The following GRIP1 variants were observed in gnomAD, a reference collection of about 807,000 sequenced individuals.
GRIP1 encodes the protein glutamate receptor interacting protein 1, also known as glutamate receptor-interacting protein 1.
GRIP1 carries 45 observed loss-of-function variants against 129.9 expected under a neutral mutation model. That is an observed-to-expected ratio of 0.35 (90% CI 0.27 to 0.44). GRIP1 has a LOEUF of 0.44. GRIP1 is among the 20% of genes least tolerant of loss of function. The probability of loss-of-function intolerance (pLI) is 1.00; values close to 1 mark genes in which losing one functional copy is unlikely to be tolerated. For synonymous variants in GRIP1, 530 were observed against 520.8 expected (o/e 1.02, Z -0.24); for missense variants, 1,196 against 1,396.8 (o/e 0.86, Z 2.29).
In GRIP1 at chr12:66,854,951, C is replaced by T. The variant is rs117016091; in HGVS notation, c.58+214099G>A. On this transcript the variant is annotated intron_variant, in intron 1 of 1. Transcript: ENST00000643019. Reference sequence around the variant, plus strand: ...TCTTTGTAAAGAGAAACTACTTACTCTTAAATTACAGTGTCCATCTTTGTC... The same window carrying T: ...TCTTTGTAAAGAGAAACTACTTACTTTTAAATTACAGTGTCCATCTTTGTC... Among the ~76,000 whole-genome samples the T allele has an allele frequency of 9.8e-3, 1,488 of 152,144 alleles. 12 individuals are homozygous for T. Among genetic ancestry groups the T allele is most frequent in the Middle Eastern group, 0.048 (14 of 294 alleles).
chr12:67,036,995 C>A (rs2043105292), intron 1 of GRIP1, among the ~76,000 whole-genome samples: 1 of 151,992 alleles, frequency 6.6e-6, no homozygotes, highest in Non-Finnish European at 1.5e-5. Context: ...TTGGGGAATA[C>A]ACATGCATAC....
rs1172353986 is a variant in GRIP1 at position 66,657,768 on chromosome 12, A to C, written c.55+21082T>G. On this transcript the variant is annotated intron_variant, in intron 1 of 24. Coordinates refer to ENST00000359742, the MANE Select transcript of GRIP1 (RefSeq NM_001366722.1). ...ATTCCCGCATATCTAGCATGAACCT[A>C]ATCGCCATGAAAATGTATGACTCTT... Among the ~76,000 whole-genome samples, 3 of 152,160 alleles carry C rather than the reference A, an allele frequency of 2.0e-5. No homozygotes were observed. In the East Asian group the frequency reaches 5.8e-4, roughly 29 times the overall value.
intron 2 of GRIP1, among the ~76,000 whole-genome samples, chr12:66,552,502 G>C (rs149882201): frequency 3.5e-4 from 54 of 152,184 alleles, no homozygotes; most frequent in African/African-American, 1.3e-3. Context: ...TTATAGATTA[G>C]GGACACTGAG....
intron 1 of GRIP1, among the ~76,000 whole-genome samples, chr12:66,895,471 C>T (rs1358717488): frequency 6.6e-6 from 1 of 152,180 alleles, no homozygotes; most frequent in African/African-American, 2.4e-5. Context: ...AATTACCCAG[C>T]CTCAGGTATC....
chr12:66,522,710 T>C (rs12310485), intron 5 of GRIP1, among the ~76,000 whole-genome samples: 14,140 of 152,190 alleles, frequency 0.093, 756 homozygotes, highest in East Asian at 0.24. Flanking sequence ...AGAAGAAGAC[T>C]TCAGACGATC....
chr12:66,952,187 T>C (rs1044609017), intron 1 of GRIP1, among the ~76,000 whole-genome samples: 9 of 152,006 alleles, frequency 5.9e-5, no homozygotes, highest in Non-Finnish European at 1.0e-4. Flanking sequence ...GATGAACAGC[T>C]GAGCAGAGCA....
intron 4 of GRIP1, among the ~76,000 whole-genome samples, chr12:66,531,246 AAAAAAAATATATATATATATATAT>A (rs1430878555): frequency 7.7e-5 from 4 of 51,654 alleles, no homozygotes; most frequent in African/African-American, 4.1e-4. Flanking sequence ...AAAAAAAAAA[AAAAAAAATATATATATATATATAT>A]ATATATATAT....
chr12:66,973,767 T>C (rs2042109786), intron 1 of GRIP1, among the ~76,000 whole-genome samples: 1 of 152,274 alleles, frequency 6.6e-6, no homozygotes, highest in South Asian at 2.1e-4. Flanking sequence ...CAGGTACAAG[T>C]GCATCAGCTA....
upstream of GRIP1, among the ~76,000 whole-genome samples, chr12:66,808,549 G>A (rs1461744138): frequency 2.6e-5 from 4 of 151,786 alleles, no homozygotes; most frequent in South Asian, 4.2e-4. Context: ...TGCCCACCTC[G>A]GCCTCCCAAA....
At chr12:66,913,071 C>A (rs982738913) in intron 1 of GRIP1, among the ~76,000 whole-genome samples, 1 of 152,182 alleles carries the variant, frequency 6.6e-6, no homozygotes, top group African/African-American at 2.4e-5. Context: ...GGTTGCCAAA[C>A]AAGTCGGCCG....
intron 7 of GRIP1, among the ~76,000 whole-genome samples, chr12:66,511,047 G>A (rs952181239): frequency 7.9e-5 from 12 of 152,096 alleles, no homozygotes; most frequent in African/African-American, 2.7e-4. Context: ...TTGAATTGTA[G>A]CTCTCACAAT....
intron 1 of GRIP1, among the ~76,000 whole-genome samples, chr12:66,962,348 C>A (rs1350801020): frequency 6.6e-6 from 1 of 151,964 alleles, no homozygotes; most frequent in East Asian, 1.9e-4. Flanking sequence ...GGAAAGGAAT[C>A]GAGACAGGAA....
At chr12:66,466,171 T>C (rs1046043011) in intron 7 of GRIP1, among the ~76,000 whole-genome samples, 1 of 152,246 alleles carries the variant, frequency 6.6e-6, no homozygotes, top group African/African-American at 2.4e-5. Context: ...GAAGCCTAAA[T>C]TGTAATTTGG....
At chr12:66,745,613 G>C (rs1309803282) in intron 1 of GRIP1, among the ~76,000 whole-genome samples, 1 of 152,178 alleles carries the variant, frequency 6.6e-6, no homozygotes, top group African/African-American at 2.4e-5. Context: ...ACAGAGCAGA[G>C]AGAAATGACC....
rs192155067 is a variant in GRIP1, at chr12:66,995,986, A to C, written c.58+73064T>G. On this transcript the variant is annotated intron_variant, in intron 1 of 1. Transcript: ENST00000643019. Reference sequence around the variant, plus strand: ...AAATGTGGTATATACATACGATGGAATATTCTTTGGCAATAAAAATGAAAT... The same window carrying C: ...AAATGTGGTATATACATACGATGGACTATTCTTTGGCAATAAAAATGAAAT... Among the ~76,000 whole-genome samples the C allele has an allele frequency of 1.7e-3, 264 of 152,314 alleles. 2 individuals carry two copies. Among genetic ancestry groups the C allele is most frequent in the South Asian group, 0.013 (62 of 4,826 alleles).
chr12:66,720,215 C>T (rs2036018349), intron 1 of GRIP1, among the ~76,000 whole-genome samples: 1 of 152,130 alleles, frequency 6.6e-6, no homozygotes, highest in Non-Finnish European at 1.5e-5. Flanking sequence ...TATGCTTACA[C>T]TACACTGTAG....
chr12:66,938,182 CCT>C (rs993859359), intron 1 of GRIP1, among the ~76,000 whole-genome samples: 1 of 152,026 alleles, frequency 6.6e-6, no homozygotes, highest in Non-Finnish European at 1.5e-5. Flanking sequence ...TCAAGACCAT[CCT>C]GGCCAACATG....
intron 1 of GRIP1, among the ~76,000 whole-genome samples, chr12:66,871,690 T>TAA (rs1404715206): frequency 2.0e-5 from 3 of 152,100 alleles, no homozygotes; most frequent in Non-Finnish European, 4.4e-5. Flanking sequence ...ATGCTCAGCC[T>TAA]AAAGGGTAAA....
chr12:66,595,296 G>A (rs1287386146), intron 2 of GRIP1, among the ~76,000 whole-genome samples: 3 of 152,156 alleles, frequency 2.0e-5, no homozygotes, highest in South Asian at 4.1e-4. Flanking sequence ...CCAATTCTGT[G>A]TATTTAACAT....
Sources: gnomAD v4.1 joint callset for allele counts (sites outside exome capture counted in the v4.1 genomes callset) on GRCh38, gnomAD v4.1.1 for gene constraint, MANE v1.5 for transcripts, NCBI Gene and HGNC (gene_info 2026-07-23, HGNC 2026-07-21) for gene names.